Variants in NT5DC1 observed in about 807,000 individuals in gnomAD.
NT5DC1 encodes the protein 5'-nucleotidase domain containing 1.
In NT5DC1, 42 loss-of-function variants were observed where a neutral mutation model predicts 59.4. The observed-to-expected ratio is 0.71, with a 90% CI of 0.55 to 0.92. NT5DC1 has a LOEUF of 0.92. NT5DC1 is among the 40% of genes least tolerant of loss of function. The pLI, the probability that NT5DC1 is intolerant of heterozygous loss-of-function variation, is 0.00. For missense variants in NT5DC1, 501 were observed against 537.1 expected, an observed-to-expected ratio of 0.93 and a Z score of 0.66; for synonymous variants, 172 against 188.1, an observed-to-expected ratio of 0.91 and a Z score of 0.70.
At chr6:116,169,420 A>G (rs189086423) in intron 6 of NT5DC1, among the ~76,000 whole-genome samples, 82 of 152,358 alleles carry the variant, frequency 5.4e-4, no homozygotes, top group African/African-American at 1.9e-3. Flanking sequence ...TATGCTTACT[A>G]TATTGCCACT....
At chr6:116,201,976 G>C (rs2114511080) in intron 6 of NT5DC1, among the ~76,000 whole-genome samples, 1 of 152,126 alleles carries the variant, frequency 6.6e-6, no homozygotes, top group South Asian at 2.1e-4. Flanking sequence ...ACACCTGGAG[G>C]AGTGCTGACC....
At chr6:116,125,616 T>G (rs1156939003) in intron 6 of NT5DC1, 2 of 916,208 alleles carry the variant, frequency 2.2e-6, no homozygotes, top group Non-Finnish European at 3.3e-6. Flanking sequence ...TTTTAACCTA[T>G]CCTATATATT....
rs1395724064 is a variant in NT5DC1, at chr6:116,245,023, G to A, written c.*999G>A. The stretch of plus-strand genomic sequence containing the variant: ...AATTTATCTCATTGGGAAGAAATTT[G>A]TAGTTAAAACTATTTAATGTAATTT... On this transcript the variant is annotated 3_prime_UTR_variant, in exon 12 of 12. Coordinates refer to ENST00000319550, the MANE Select transcript of NT5DC1 (RefSeq NM_152729.3). 5 of 133,454 alleles carry A rather than the reference G, an allele frequency of 3.7e-5. No individual in the cohort carries two copies. The highest frequency in any genetic ancestry group is 7.7e-5 in the Admixed American group (1 of 12,998). The allele number at this position is 133,454 out of a possible 1,614,324, so 8.3% of individuals were successfully genotyped here.
At chr6:116,147,418 G>A (rs1051704027) in intron 6 of NT5DC1, among the ~76,000 whole-genome samples, 2 of 151,202 alleles carry the variant, frequency 1.3e-5, no homozygotes, top group African/African-American at 4.9e-5. Flanking sequence ...CTCCAACCTG[G>A]GCAACAGAGC....
intron 8 of NT5DC1, among the ~76,000 whole-genome samples, chr6:116,225,318 T>G (rs1300993654): frequency 2.0e-5 from 3 of 152,138 alleles, no homozygotes; most frequent in Non-Finnish European, 4.4e-5. Context: ...TTGGGAGTAA[T>G]CAGCTCATAG....
chr6:116,220,416 C>G (rs929354735), intron 6 of NT5DC1, among the ~76,000 whole-genome samples: 11 of 152,188 alleles, frequency 7.2e-5, no homozygotes, highest in Non-Finnish European at 1.6e-4. Flanking sequence ...AGGGGCAGAG[C>G]AAGCAACCCC....
chr6:116,191,465 A>G (rs1781116020), intron 6 of NT5DC1, among the ~76,000 whole-genome samples: 2 of 152,094 alleles, frequency 1.3e-5, no homozygotes, highest in South Asian at 4.1e-4. Flanking sequence ...AGAGGTTTCT[A>G]CTTAGTAAGT....
Position 116,238,214 on chromosome 6 carries a change from T to G in NT5DC1, c.949T>G (p.Ser317Ala), listed in dbSNP as rs758011309. 5 of 1,612,004 alleles carry G rather than the reference T, an allele frequency of 3.1e-6. No homozygotes were observed. In the South Asian group the frequency reaches 5.5e-5, roughly 18 times the overall value. ...TGTTTATTTTGGTGACAGCATGCATTCAGATATTTTCCCAGCTCGTCACTA... is the reference window on the plus strand; with the variant it reads ...TGTTTATTTTGGTGACAGCATGCATGCAGATATTTTCCCAGCTCGTCACTA... Reference protein sequence around the residue: ...KVVYFGDSMHSDIFPARHYSN... With the variant: ...KVVYFGDSMHADIFPARHYSN... Residue 317 changes from serine to alanine, a missense_variant, in exon 10 of 12, where the codon TCA (serine) becomes GCA (alanine). Transcript: ENST00000319550.
chr6:116,239,231 C>A, intron 11 of NT5DC1, 108 bp downstream of exon 11: 4 of 858,932 alleles, frequency 4.7e-6, no homozygotes, highest in Non-Finnish European at 7.2e-6. Context: ...ATTGATTTAT[C>A]TTTGGGGAAA....
intron 5 of NT5DC1, among the ~76,000 whole-genome samples, chr6:116,116,240 A>G (rs1778960115): frequency 6.6e-6 from 1 of 152,244 alleles, no homozygotes; most frequent in South Asian, 2.1e-4. Context: ...GTATATCAAG[A>G]TTAAATAGAT....
intron 6 of NT5DC1, among the ~76,000 whole-genome samples, chr6:116,124,362 C>T (rs992316831): frequency 2.2e-4 from 33 of 151,998 alleles, no homozygotes; most frequent in Non-Finnish European, 3.8e-4. Flanking sequence ...TATAGGCGGT[C>T]GTGTCAGTTG....
chr6:116,138,402 G>T (rs1025034397), intron 6 of NT5DC1, among the ~76,000 whole-genome samples: 1 of 152,158 alleles, frequency 6.6e-6, no homozygotes, highest in African/African-American at 2.4e-5. Flanking sequence ...TAAGATTTGT[G>T]TGAAAGTGTA....
intron 6 of NT5DC1, among the ~76,000 whole-genome samples, chr6:116,213,057 T>C (rs1203539814): frequency 6.6e-6 from 1 of 152,144 alleles, no homozygotes; most frequent in East Asian, 1.9e-4. Flanking sequence ...GAGATAATAA[T>C]TAAAATTGGG....
At chr6:116,161,628 T>G (rs1176712723) in intron 6 of NT5DC1, among the ~76,000 whole-genome samples, 2 of 152,198 alleles carry the variant, frequency 1.3e-5, no homozygotes, top group Non-Finnish European at 2.9e-5. Flanking sequence ...TTGGTTACAT[T>G]AGACTTGTAG....
intron 6 of NT5DC1, chr6:116,121,083 G>A (rs751386186): frequency 1.9e-6 from 3 of 1,613,990 alleles, no homozygotes; most frequent in East Asian, 2.2e-5. Flanking sequence ...GGTCCTTGGG[G>A]TCCCATATTC....
intron 6 of NT5DC1, among the ~76,000 whole-genome samples, chr6:116,181,777 A>C (rs1415673541): frequency 6.6e-6 from 1 of 152,122 alleles, no homozygotes; most frequent in Non-Finnish European, 1.5e-5. Context: ...AATGGGAGCT[A>C]TATTATGTTC....
At chr6:116,142,799 G>T (rs1280185804) in intron 6 of NT5DC1, among the ~76,000 whole-genome samples, 1 of 152,186 alleles carries the variant, frequency 6.6e-6, no homozygotes, top group Non-Finnish European at 1.5e-5. Flanking sequence ...GACTGAAGAT[G>T]TAAGGTTCTG....
At chr6:116,118,037 T>A in intron 6 of NT5DC1, 92 bp downstream of exon 6, 1 of 748,728 alleles carries the variant, frequency 1.3e-6, no homozygotes, top group Non-Finnish European at 2.5e-6. Flanking sequence ...TTGCTGTGTA[T>A]CTTACTTAGG....
At chr6:116,193,556 A>T (rs1438831846) in intron 6 of NT5DC1, among the ~76,000 whole-genome samples, 1 of 152,108 alleles carries the variant, frequency 6.6e-6, no homozygotes, top group Non-Finnish European at 1.5e-5. Flanking sequence ...AAAATAATAT[A>T]TGCAAGCAAT....
Sources: gnomAD v4.1 joint callset for allele counts (sites outside exome capture counted in the v4.1 genomes callset) on GRCh38, gnomAD v4.1.1 for gene constraint, MANE v1.5 for transcripts, NCBI Gene and HGNC (gene_info 2026-07-23, HGNC 2026-07-21) for gene names.